Variants in GPR142 observed in about 807,000 individuals in gnomAD.
The protein encoded by GPR142 is G protein-coupled receptor 142, also known as G-protein coupled receptor 142 long form.
A neutral mutation model predicts 10.6 loss-of-function variants in GPR142; 9 were observed. The observed-to-expected ratio is 0.85, with a 90% CI of 0.51 to 1.48. The LOEUF is 1.48. Ranked by LOEUF, GPR142 falls within the 40% of genes most tolerant of loss-of-function variation. The probability of loss-of-function intolerance (pLI) is 0.00; values close to 1 mark genes in which losing one functional copy is unlikely to be tolerated. For missense variants in GPR142, 482 were observed against 506.0 expected (o/e 0.95, Z 0.45); for synonymous variants, 202 against 221.2 (o/e 0.91, Z 0.77).
At chr17:74,369,962 A>G (rs2055010448) in intron 2 of GPR142, among the ~76,000 whole-genome samples, 1 of 152,082 alleles carries the variant, frequency 6.6e-6, no homozygotes, top group Non-Finnish European at 1.5e-5. Flanking sequence ...TCTTTAGTTT[A>G]GAAAAGAGGG....
rs1173380769 is a variant in GPR142 at position 74,372,055 on chromosome 17, G to C, written c.580G>C (p.Val194Leu). The C allele has an allele frequency of 6.2e-7, 1 of 1,614,174 alleles. No individual in the cohort carries two copies. The highest frequency in any genetic ancestry group is 2.2e-5 in the East Asian group (1 of 44,886). ...CCGGACCCGCCGGGCCATTGCTGCTGTCCTGAGTGCTGCCCTGTTGACCGG... is the reference window on the plus strand; with the variant it reads ...CCGGACCCGCCGGGCCATTGCTGCTCTCCTGAGTGCTGCCCTGTTGACCGG... ...PGRTRRAIAA[V>L]LSAALLTGIP... The change falls in exon 4 of 4, where the codon GTC becomes CTC. Residue 194 changes from valine to leucine, a missense_variant. Coordinates refer to ENST00000582579, the MANE Select transcript of GPR142 (RefSeq NM_001331076.1).
At chr17:74,369,218 C>T (rs939196792) in intron 1 of GPR142, among the ~76,000 whole-genome samples, 1 of 152,110 alleles carries the variant, frequency 6.6e-6, no homozygotes, top group African/African-American at 2.4e-5. Flanking sequence ...CCAGAACCCC[C>T]ATCCTGCCAT....
In GPR142 at chr17:74,372,183, C is replaced by T. The variant is rs1598411045; in HGVS notation, c.708C>T (p.Ile236=). ...CTCACTGTCTCACTGTCTATTTCAT[C>T]CCTTGTGGCGTGTTCCTGGTCACCA... is the stretch of plus-strand genomic sequence containing the variant. The part of the protein sequence containing the change: ...KWAHCLTVYF[I]PCGVFLVTNS... The change falls in exon 4 of 4, where the codon ATC becomes ATT. Residue 236 remains isoleucine (I), a synonymous_variant. Transcript: ENST00000582579. 3 of 1,614,186 alleles carry T rather than the reference C, an allele frequency of 1.9e-6. No individual in the cohort carries two copies. The highest frequency in any genetic ancestry group is 1.7e-6 in the Non-Finnish European group (2 of 1,180,008).
chr17:74,369,686 G>C lies in GPR142; in HGVS notation c.94+52G>C. The C allele has an allele frequency of 4.0e-6, 6 of 1,505,234 alleles. No individual in the cohort carries two copies. In the South Asian group the frequency reaches 7.5e-5, roughly 19 times the overall value. 93.2% of individuals were successfully genotyped at this position (1,505,234 alleles called of 1,614,324 possible). On this transcript the variant is annotated intron_variant, in intron 2 of 3. Transcript: ENST00000582579. The stretch of plus-strand genomic sequence containing the variant: ...TGGGGGCAATAAGGTGGAAAGGCAG[G>C]AGGGAACAGGAGGCAGGTTAGGGAC...
chr17:74,370,437 A>C, intron 2 of GPR142, 84 bp from the exon 3 acceptor site: 1 of 1,435,426 alleles, frequency 7.0e-7, no homozygotes, highest in Non-Finnish European at 9.4e-7. Flanking sequence ...GGTGACTAGA[A>C]AGACCCCAGG....
Position 74,367,902 on chromosome 17 carries a change from G to A in GPR142, c.-74+108G>A, listed in dbSNP as rs891250818. On this transcript the variant is annotated intron_variant, in intron 1 of 3. Transcript: ENST00000582579. Reference sequence around the variant, plus strand: ...AATCCAGGGAGCTCTAGTTTTCTGTGTAGCCTGTGTGACAGCCTTGGTTGA... The same window carrying A: ...AATCCAGGGAGCTCTAGTTTTCTGTATAGCCTGTGTGACAGCCTTGGTTGA... 3.7e-6 allele frequency: 4 copies of A among 1,082,246 alleles called. No homozygotes were observed. In the Admixed American group the frequency reaches 1.2e-4, roughly 31 times the overall value. The allele number at this position is 1,082,246 out of a possible 1,614,324, so 67.0% of individuals were successfully genotyped here. A position where few individuals can be genotyped will look rare whatever the true frequency, so the allele number is the denominator to read the frequency against.
intron 2 of GPR142, 75 bp downstream of exon 2, chr17:74,369,709 G>A: frequency 6.9e-7 from 1 of 1,443,554 alleles, no homozygotes; most frequent in Admixed American, 2.6e-5. Context: ...GCAGGTTAGG[G>A]ACCTAGAGGG....
Position 74,372,283 on chromosome 17 carries a change from A to G in GPR142, c.808A>G (p.Ile270Val). 2 of 1,613,688 alleles carry G rather than the reference A, an allele frequency of 1.2e-6. No homozygotes were observed. The highest frequency in any genetic ancestry group is 1.7e-6 in the Non-Finnish European group (2 of 1,179,610). ...GCCCCGGGTGGGCAAGAGCACAGCC[A>G]TCCTCCTGGGCATCACCACACTGTT... The part of the protein sequence containing the change: ...LQPRVGKSTA[I>V]LLGITTLFTL... Residue 270 changes from isoleucine (I) to valine (V), a missense_variant, in exon 4 of 4, where the codon ATC becomes GTC. Coordinates refer to ENST00000582579, the MANE Select transcript of GPR142 (RefSeq NM_001331076.1).
In GPR142 at chr17:74,372,288, C is replaced by G; in HGVS notation, c.813C>G (p.Leu271=). The G allele has an allele frequency of 6.2e-7, 1 of 1,613,812 alleles. No homozygotes were observed. Residue 271 remains leucine (L), a synonymous_variant, in exon 4 of 4, where the codon CTC becomes CTG. Transcript: ENST00000582579. ...GGGTGGGCAAGAGCACAGCCATCCT[C>G]CTGGGCATCACCACACTGTTCACCC... The part of the protein sequence containing the change: ...QPRVGKSTAI[L]LGITTLFTLL...
In GPR142 at chr17:74,372,488, G is replaced by A. The variant is rs143182538; in HGVS notation, c.1013G>A (p.Arg338Gln). Reference sequence around the variant, plus strand: ...AGCAAGACTTTCCGGGCCACTGTCCGACAGGTCATCCACGATGCCTACCTG... The same window carrying A: ...AGCAAGACTTTCCGGGCCACTGTCCAACAGGTCATCCACGATGCCTACCTG... ...FVSKTFRATV[R>Q]QVIHDAYLPC... The change falls in exon 4 of 4, where the codon CGA (arginine) becomes CAA (glutamine). Residue 338 changes from arginine (R) to glutamine (Q), a missense_variant. Coordinates refer to ENST00000582579, the MANE Select transcript of GPR142 (RefSeq NM_001331076.1). 6.2e-4 allele frequency: 1,002 copies of A among 1,613,604 alleles called. 1 individual carries two copies. The highest frequency in any genetic ancestry group is 7.7e-4 in the Non-Finnish European group (903 of 1,180,062).
rs1264573227 is a variant in GPR142, at chr17:74,367,576, C to G, written c.-292C>G. On this transcript the variant is annotated 5_prime_UTR_variant, in exon 1 of 4. Transcript: ENST00000582579. ...CCCACTTCCCTGCAGGACATCACTGCTGTCCTGGGTACAGAAGCATATACT... is the reference window on the plus strand; with the variant it reads ...CCCACTTCCCTGCAGGACATCACTGGTGTCCTGGGTACAGAAGCATATACT... The G allele has an allele frequency of 1.2e-6, 2 of 1,612,858 alleles. No individual in the cohort carries two copies. Among genetic ancestry groups the G allele is most frequent in the Non-Finnish European group, 8.5e-7 (1 of 1,178,786 alleles).
chr17:74,369,476 T>G lies in GPR142; in HGVS notation c.-65T>G. ...GCCCCCTGCACTAACAGGCTCAGTGTCTGCGTAAGGATCCTGGGGCAAACA... is the reference window on the plus strand; with the variant it reads ...GCCCCCTGCACTAACAGGCTCAGTGGCTGCGTAAGGATCCTGGGGCAAACA... On this transcript the variant is annotated 5_prime_UTR_variant, in exon 2 of 4. Transcript: ENST00000582579. The G allele has an allele frequency of 6.4e-7, 1 of 1,556,880 alleles. No homozygotes were observed.
In GPR142 at chr17:74,370,679, G is replaced by A. The variant is rs142833256; in HGVS notation, c.253G>A (p.Val85Ile). 118 of 1,610,518 alleles carry A rather than the reference G, an allele frequency of 7.3e-5. No individual in the cohort carries two copies. Among genetic ancestry groups the A allele is most frequent in the Non-Finnish European group, 9.3e-5 (110 of 1,177,986 alleles). Residue 85 changes from valine (V) to isoleucine (I), a missense_variant and splice_region_variant, in exon 3 of 4, where the codon GTC becomes ATC. Val to Ile is a conservative substitution (Grantham distance 29). Coordinates refer to ENST00000582579, the MANE Select transcript of GPR142 (RefSeq NM_001331076.1). ...YSVLLGLGLP[V>I]SLLTAVALAR... is the part of the protein sequence containing the mutation. ...TGTCCTGCTGGGCTTGGGGCTGCCT[G>A]GTGAGTGGGGAGCTGGGGTCTGGGG...
At position 74,367,527 on chromosome 17, in the gene GPR142, A is replaced by G. The variant is rs757174350; in HGVS notation, c.-341A>G. 6 of 1,614,158 alleles carry G rather than the reference A, an allele frequency of 3.7e-6. No homozygotes were observed. The highest frequency in any genetic ancestry group is 1.7e-5 in the Admixed American group (1 of 60,012). ...AGCAATGAGTATTATGATGTTGCCC[A>G]TGGAGCAAAAGATCCAGTGGGTCCC... On this transcript the variant is annotated 5_prime_UTR_variant, in exon 1 of 4. The change abolishes an upstream ATG in the 5' untranslated region. Transcript: ENST00000582579.
Position 74,371,728 on chromosome 17 carries a change from G to C in GPR142, c.254-1G>C. 6.3e-7 allele frequency: 1 copy of C among 1,593,298 alleles called. No homozygotes were observed. ...CCCTCCCTCACCTCGGCTGCCCTCAGTCAGCCTCCTGACCGCAGTGGCCCT... is the reference window on the plus strand; with the variant it reads ...CCCTCCCTCACCTCGGCTGCCCTCACTCAGCCTCCTGACCGCAGTGGCCCT... On this transcript the variant is annotated splice_acceptor_variant, in intron 3 of 3. Coordinates refer to ENST00000582579, the MANE Select transcript of GPR142 (RefSeq NM_001331076.1). LOFTEE classifies it high-confidence loss of function.
intron 1 of GPR142, 52 bp downstream of exon 1, chr17:74,367,846 C>G (rs527272364): frequency 6.8e-7 from 1 of 1,475,742 alleles, no homozygotes; most frequent in South Asian, 1.4e-5. Context: ...AACTCAGTCC[C>G]CCTCCTCCAT....
At chr17:74,369,712 C>A in intron 2 of GPR142, 78 bp downstream of exon 2, 1 of 1,435,978 alleles carries the variant, frequency 7.0e-7, no homozygotes, top group South Asian at 1.3e-5. Context: ...GGTTAGGGAC[C>A]TAGAGGGTGG....
rs868260702 is a variant in GPR142 at position 74,371,912 on chromosome 17, C to T, written c.437C>T (p.Ala146Val). Residue 146 changes from alanine to valine, a missense_variant, in exon 4 of 4, where the codon GCC (alanine) becomes GTC (valine). Coordinates refer to ENST00000582579, the MANE Select transcript of GPR142 (RefSeq NM_001331076.1). ...GTGCCCCAGGCTGTGGTGCGCACGG[C>T]CAACATCCTGGAGTTTGCTGCCAAC... is the stretch of plus-strand genomic sequence containing the variant. ...RQVPQAVVRT[A>V]NILEFAANHA... The T allele has an allele frequency of 6.2e-7, 1 of 1,613,000 alleles. No homozygotes were observed. The highest frequency in any genetic ancestry group is 8.5e-7 in the Non-Finnish European group (1 of 1,180,026).
intron 3 of GPR142, among the ~76,000 whole-genome samples, 175 bp from the exon 4 acceptor site, chr17:74,371,554 G>C (rs138658097): frequency 4.7e-4 from 72 of 152,338 alleles, no homozygotes; most frequent in Non-Finnish European, 7.1e-4. Context: ...GGCAGAGCTG[G>C]CCTGGGTGGC....
Sources: allele counts gnomAD v4.1 joint callset (sites outside exome capture counted in the v4.1 genomes callset), GRCh38; gene constraint gnomAD v4.1.1; transcripts MANE v1.5; gene names NCBI Gene and HGNC (gene_info 2026-07-23, HGNC 2026-07-21).